The following EFNA2 variants were observed in gnomAD, a reference collection of about 807,000 sequenced individuals.
The protein encoded by EFNA2 is ephrin-A2.
Under a neutral mutation model 19.7 loss-of-function variants are expected in EFNA2, and 18 were observed. That is an observed-to-expected ratio of 0.91 (90% CI 0.63 to 1.35). The LOEUF (loss-of-function observed/expected upper bound fraction) is 1.35, where lower values mean the gene tolerates loss of function less well. EFNA2 is among the 40% of genes most tolerant of loss of function. The pLI is 0.00. For synonymous variants in EFNA2, 187 were observed against 137.8 expected (o/e 1.36, Z -2.50); for missense variants, 303 against 296.0 (o/e 1.02, Z -0.17).
chr19:1,288,213 C>T (rs1440111061), intron 1 of EFNA2, among the ~76,000 whole-genome samples: 1 of 152,248 alleles, frequency 6.6e-6, no homozygotes, highest in Non-Finnish European at 1.5e-5. Context: ...CCCGGGAAGC[C>T]GGGATCCAGC....
Position 1,296,123 on chromosome 19 carries a change from A to G in EFNA2, c.454+265A>G, listed in dbSNP as rs917356713. 6.6e-6 allele frequency among the ~76,000 whole-genome samples: 1 copy of G among 152,200 alleles called. No homozygotes were observed. Among genetic ancestry groups the G allele is most frequent in the South Asian group, 2.1e-4 (1 of 4,836 alleles). ...CTGACCCCCTCCAGATGTCAAGTGCATGATGGACGTGCCATTCTCCCAACC... is the reference window on the plus strand; with the variant it reads ...CTGACCCCCTCCAGATGTCAAGTGCGTGATGGACGTGCCATTCTCCCAACC... On this transcript the variant is annotated intron_variant, in intron 2 of 3. Transcript: ENST00000215368. This position sits in a 1 kb window ranked among gnomAD's most constrained non-coding sequence, Gnocchi z 4.4.
chr19:1,298,450 G>A, intron 2 of EFNA2, 101 bp from the exon 3 acceptor site: 1 of 1,215,196 alleles, frequency 8.2e-7, no homozygotes, highest in African/African-American at 1.5e-5. Flanking sequence ...CTCCACCTGG[G>A]GTCAGGGTTG....
In EFNA2 at chr19:1,294,638, G is replaced by A. The variant is rs1291786190; in HGVS notation, c.141-907G>A. On this transcript the variant is annotated intron_variant, in intron 1 of 3. Transcript: ENST00000215368. The surrounding 1 kb of genome is among the most constrained non-coding windows in gnomAD (Gnocchi z 5.8). ...GTGGAGCCCAGGATGTCTCCGAGCT[G>A]GGCGGCAGGTGGAACTCGGCAGGCT... Among the ~76,000 whole-genome samples the A allele has an allele frequency of 6.6e-6, 1 of 151,946 alleles. No homozygotes were observed. The highest frequency in any genetic ancestry group is 1.5e-5 in the Non-Finnish European group (1 of 67,960).
At position 1,296,012 on chromosome 19, in the gene EFNA2, G is replaced by A. The variant is rs2081513657; in HGVS notation, c.454+154G>A. 7.1e-6 allele frequency among the ~76,000 whole-genome samples: 1 copy of A among 140,362 alleles called. No individual in the cohort carries two copies. 92.1% of individuals were successfully genotyped at this position (140,362 alleles called of 152,430 possible). Reference sequence around the variant, plus strand: ...GGTGTGGGGCCAGGGGGGAGTGGGCGGGGCCGCGGAATGGGGCCAGGGGGG... The same window carrying A: ...GGTGTGGGGCCAGGGGGGAGTGGGCAGGGCCGCGGAATGGGGCCAGGGGGG... On this transcript the variant is annotated intron_variant, in intron 2 of 3. Transcript: ENST00000215368. This position sits in a 1 kb window ranked among gnomAD's most constrained non-coding sequence, Gnocchi z 4.4.
Position 1,295,804 on chromosome 19 carries a change from A to G in EFNA2, c.400A>G (p.Thr134Ala). The change falls in exon 2 of 4, where the codon ACG becomes GCG. Residue 134 changes from threonine (T) to alanine (A), a missense_variant. By Grantham distance (58) the Thr-to-Ala change is moderately conservative. Transcript: ENST00000215368. The surrounding 1 kb of genome is among the most constrained non-coding windows in gnomAD (Gnocchi z 5.8). ...GTTCTCGGAGAAGTTCCAGCTCTTC[A>G]CGCCCTTCTCCCTGGGCTTCGAGTT... ...LKFSEKFQLFTPFSLGFEFRP... is the reference protein window; with the variant it reads ...LKFSEKFQLFAPFSLGFEFRP... The G allele has an allele frequency of 1.9e-6, 3 of 1,607,606 alleles. No individual in the cohort carries two copies. The highest frequency in any genetic ancestry group is 2.5e-6 in the Non-Finnish European group (3 of 1,178,218).
chr19:1,295,417 G>T lies in EFNA2; in HGVS notation c.141-128G>T. 1.1e-5 allele frequency: 10 copies of T among 914,598 alleles called. No homozygotes were observed. The highest frequency in any genetic ancestry group is 1.4e-5 in the Non-Finnish European group (9 of 664,482). The allele number at this position is 914,598 out of a possible 1,614,324, so 56.7% of individuals were successfully genotyped here. On this transcript the variant is annotated intron_variant, in intron 1 of 3. Coordinates refer to ENST00000215368, the MANE Select transcript of EFNA2 (RefSeq NM_001405.4). This position sits in a 1 kb window ranked among gnomAD's most constrained non-coding sequence, Gnocchi z 5.8. ...ACCCGTCCCCCGTGCTCCTGACCCC[G>T]GCCCTCGCCGCGCACCCCGACCCGT...
At chr19:1,291,920 C>T (rs914310672) in intron 1 of EFNA2, among the ~76,000 whole-genome samples, 5 of 152,156 alleles carry the variant, frequency 3.3e-5, no homozygotes, top group African/African-American at 4.8e-5. Flanking sequence ...CTTTGGCACC[C>T]GCAGGTTGAG....
chr19:1,289,244 T>G (rs2081480500), intron 1 of EFNA2, among the ~76,000 whole-genome samples: 1 of 152,258 alleles, frequency 6.6e-6, no homozygotes. Context: ...CACCCGCGTT[T>G]GCATGTGCGT....
chr19:1,299,898 C>T lies in EFNA2; in HGVS notation c.595C>T (p.Leu199Phe), dbSNP rs2081532701. ...NSCSSPGGCR[L>F]FLSTIPVLWT... The stretch of plus-strand genomic sequence containing the variant: ...GTGTAGCAGCCCGGGCGGCTGCCGC[C>T]TCTTCCTCAGCACCATCCCCGTGCT... The change falls in exon 4 of 4, where the codon CTC becomes TTC. Residue 199 changes from leucine (L) to phenylalanine (F), a missense_variant. Transcript: ENST00000215368. 6.2e-7 allele frequency: 1 copy of T among 1,605,478 alleles called. No homozygotes were observed. The highest frequency in any genetic ancestry group is 8.5e-7 in the Non-Finnish European group (1 of 1,178,826).
At position 1,286,175 on chromosome 19, in the gene EFNA2, C is replaced by G; in HGVS notation, c.7C>G (p.Pro3Ala). The G allele has an allele frequency of 9.9e-7, 1 of 1,006,908 alleles. No homozygotes were observed. Among genetic ancestry groups the G allele is most frequent in the Non-Finnish European group, 1.2e-6 (1 of 842,638 alleles). The allele number at this position is 1,006,908 out of a possible 1,614,324, so 62.4% of individuals were successfully genotyped here. A position where few individuals can be genotyped will look rare whatever the true frequency, so the allele number is the denominator to read the frequency against. The change falls in exon 1 of 4, where the codon CCC becomes GCC. Residue 3 changes from proline (P) to alanine (A), a missense_variant. Transcript: ENST00000215368. The surrounding 1 kb of genome is among the most constrained non-coding windows in gnomAD (Gnocchi z 5.6). ...CGGCGGCCGGACCGGGGCCATGGCGCCCGCGCAGCGCCCGCTGCTCCCGCT... is the reference window on the plus strand; with the variant it reads ...CGGCGGCCGGACCGGGGCCATGGCGGCCGCGCAGCGCCCGCTGCTCCCGCT... MA[P>A]AQRPLLPLLL...
intron 3 of EFNA2, among the ~76,000 whole-genome samples, chr19:1,299,582 CAAAAAAA>C (rs76643561): frequency 2.1e-5 from 2 of 94,864 alleles, no homozygotes; most frequent in Admixed American, 1.1e-4. Flanking sequence ...AAAAATAAAG[CAAAAAAA>C]AAAAAAAAAA....
upstream of EFNA2, among the ~76,000 whole-genome samples, chr19:1,285,433 A>C (rs1451936840): frequency 2.0e-5 from 3 of 152,294 alleles, no homozygotes; most frequent in African/African-American, 7.2e-5. The surrounding 1 kb of genome is among the most constrained non-coding windows in gnomAD (Gnocchi z 4.1). Context: ...GGAGGGCCCC[A>C]GGGAGGTCGC....
rs1157215379 is a variant in EFNA2, at chr19:1,296,471, T to A, written c.454+613T>A. On this transcript the variant is annotated intron_variant, in intron 2 of 3. Coordinates refer to ENST00000215368, the MANE Select transcript of EFNA2 (RefSeq NM_001405.4). The surrounding 1 kb of genome is among the most constrained non-coding windows in gnomAD (Gnocchi z 4.4). ...GCGGGAGGATCACTTGAGGCCAGCGTGGACAACGTAGGGAGACCTTCTCTC... is the reference window on the plus strand; with the variant it reads ...GCGGGAGGATCACTTGAGGCCAGCGAGGACAACGTAGGGAGACCTTCTCTC... Among the ~76,000 whole-genome samples the A allele has an allele frequency of 1.3e-5, 2 of 152,094 alleles. 1 individual carries two copies. Among genetic ancestry groups the A allele is most frequent in the Middle Eastern group, 6.3e-3 (2 of 316 alleles).
chr19:1,285,500 C>G (rs1016839838), upstream of EFNA2, among the ~76,000 whole-genome samples: 1 of 152,182 alleles, frequency 6.6e-6, no homozygotes, highest in Non-Finnish European at 1.5e-5. This position sits in a 1 kb window ranked among gnomAD's most constrained non-coding sequence, Gnocchi z 4.1. Flanking sequence ...CCCCGGCCCC[C>G]GCAGGGAGAC....
Position 1,294,341 on chromosome 19 carries a change from C to T in EFNA2, c.141-1204C>T, listed in dbSNP as rs2081504511. On this transcript the variant is annotated intron_variant, in intron 1 of 3. Transcript: ENST00000215368. The surrounding 1 kb of genome is among the most constrained non-coding windows in gnomAD (Gnocchi z 5.8). ...CAGTGAGGGAAGGGGAGCCGCCGGT[C>T]CCTTCCTCGGCTGATCTCTATCCTC... 6.6e-6 allele frequency among the ~76,000 whole-genome samples: 1 copy of T among 152,220 alleles called. No individual in the cohort carries two copies. The highest frequency in any genetic ancestry group is 2.4e-5 in the African/African-American group (1 of 41,450).
Position 1,296,914 on chromosome 19 carries a change from G to A in EFNA2, c.454+1056G>A, listed in dbSNP as rs1180121909. 2.6e-5 allele frequency among the ~76,000 whole-genome samples: 4 copies of A among 152,230 alleles called. No homozygotes were observed. The highest frequency in any genetic ancestry group is 2.1e-4 in the South Asian group (1 of 4,832). ...AGGCTGCCAGTCCCTGCTGCTTATC[G>A]GAGGTCCGAAGCTGGCCTTTTTGTC... On this transcript the variant is annotated intron_variant, in intron 2 of 3. Transcript: ENST00000215368. This position sits in a 1 kb window ranked among gnomAD's most constrained non-coding sequence, Gnocchi z 4.4.
At position 1,297,146 on chromosome 19, in the gene EFNA2, G is replaced by C. The variant is rs1490528804; in HGVS notation, c.454+1288G>C. 6.6e-6 allele frequency among the ~76,000 whole-genome samples: 1 copy of C among 152,110 alleles called. No homozygotes were observed. Among genetic ancestry groups the C allele is most frequent in the Non-Finnish European group, 1.5e-5 (1 of 68,004 alleles). ...GTGGAGTGGGGACCCCGGCTTCTCA[G>C]CATCTCGGGGCCTGAGGGATGGGGA... On this transcript the variant is annotated intron_variant, in intron 2 of 3. Coordinates refer to ENST00000215368, the MANE Select transcript of EFNA2 (RefSeq NM_001405.4). This position sits in a 1 kb window ranked among gnomAD's most constrained non-coding sequence, Gnocchi z 5.0.
upstream of EFNA2, among the ~76,000 whole-genome samples, chr19:1,285,681 C>T (rs1006193780): frequency 2.0e-5 from 3 of 151,568 alleles, no homozygotes; most frequent in Non-Finnish European, 4.4e-5. This position sits in a 1 kb window ranked among gnomAD's most constrained non-coding sequence, Gnocchi z 4.1. Flanking sequence ...CAGGCCGGGC[C>T]ACGCGGATGC....
At chr19:1,299,712 C>G in intron 3 of EFNA2, 112 bp from the exon 4 acceptor site, 1 of 1,407,148 alleles carries the variant, frequency 7.1e-7, no homozygotes. Context: ...GAGGGCCTGC[C>G]TGGTGGGGTG....
Sources: gnomAD v4.1 joint callset for allele counts (sites outside exome capture counted in the v4.1 genomes callset) on GRCh38, gnomAD v4.1.1 for gene constraint, Gnocchi (gnomAD v3.1) non-coding constraint, MANE v1.5 for transcripts, NCBI Gene and HGNC (gene_info 2026-07-23, HGNC 2026-07-21) for gene names.